ZMYM4: variants seen among roughly 807,000 people sequenced by gnomAD.
The protein encoded by ZMYM4 is zinc finger MYM-type containing 4.
In ZMYM4, 31 loss-of-function variants were observed where a neutral mutation model predicts 183.2. The ratio of observed to expected loss-of-function variants is 0.17; its 90% confidence interval spans 0.13 to 0.23. ZMYM4 has a LOEUF of 0.23. Ranked by LOEUF, ZMYM4 falls within the 10% of genes least tolerant of loss-of-function variation. The probability of loss-of-function intolerance (pLI) is 1.00; values close to 1 mark genes in which losing one functional copy is unlikely to be tolerated. For synonymous variants in ZMYM4, 592 were observed against 631.2 expected (o/e 0.94, Z 0.93); for missense variants, 1,273 against 1,840.3 (o/e 0.69, Z 5.64).
At chr1:35,342,498 G>A (rs983695262) in intron 2 of ZMYM4, among the ~76,000 whole-genome samples, 19 of 152,088 alleles carry the variant, frequency 1.2e-4, no homozygotes, top group African/African-American at 4.6e-4. Flanking sequence ...AGCGTTTTGT[G>A]GGGGATGGAA....
intron 2 of ZMYM4, 32 bp downstream of exon 2, chr1:35,325,437 C>T (rs766784965): frequency 1.9e-6 from 3 of 1,583,338 alleles, no homozygotes; most frequent in South Asian, 1.2e-5. Flanking sequence ...ACAATCATGT[C>T]TTTAGATAGA....
intron 9 of ZMYM4, among the ~76,000 whole-genome samples, chr1:35,382,590 C>G (rs1179450328): frequency 6.6e-6 from 1 of 151,544 alleles, no homozygotes; most frequent in Non-Finnish European, 1.5e-5. Flanking sequence ...TTACAGGCGC[C>G]CACCACCAGG....
intron 1 of ZMYM4, among the ~76,000 whole-genome samples, chr1:35,278,898 T>C (rs936374479): frequency 1.3e-5 from 2 of 152,134 alleles, no homozygotes; most frequent in African/African-American, 4.8e-5. Flanking sequence ...GCTTCCAAAA[T>C]ACAATGATGA....
intron 2 of ZMYM4, among the ~76,000 whole-genome samples, chr1:35,341,093 T>C (rs1643183980): frequency 6.6e-6 from 1 of 152,068 alleles, no homozygotes; most frequent in Non-Finnish European, 1.5e-5. Context: ...TTTATATTGA[T>C]GCCATATTGA....
intron 2 of ZMYM4, among the ~76,000 whole-genome samples, chr1:35,355,173 A>G (rs1643773012): frequency 1.4e-5 from 2 of 147,024 alleles, no homozygotes; most frequent in Non-Finnish European, 1.5e-5. Flanking sequence ...AGCTGGGACT[A>G]CAGGTGCCCG....
intron 1 of ZMYM4, among the ~76,000 whole-genome samples, chr1:35,309,820 C>G (rs931717174): frequency 6.6e-6 from 1 of 151,174 alleles, no homozygotes; most frequent in Non-Finnish European, 1.5e-5. Flanking sequence ...TTAGAATATT[C>G]TGATTTATTT....
At chr1:35,415,796 A>G (rs1277805060) in intron 28 of ZMYM4, 82 bp downstream of exon 28, 1 of 1,516,708 alleles carries the variant, frequency 6.6e-7, no homozygotes, top group East Asian at 2.3e-5. Flanking sequence ...AAAGGTAATT[A>G]TAAATGCTAG....
chr1:35,294,950 A>G (rs1202932280), intron 1 of ZMYM4, among the ~76,000 whole-genome samples: 1 of 152,224 alleles, frequency 6.6e-6, no homozygotes, highest in Non-Finnish European at 1.5e-5. Flanking sequence ...TTTAGATTCC[A>G]CTGTGCTTCA....
At chr1:35,338,199 G>A (rs1016912768) in intron 2 of ZMYM4, among the ~76,000 whole-genome samples, 2 of 152,164 alleles carry the variant, frequency 1.3e-5, no homozygotes, top group Non-Finnish European at 2.9e-5. Flanking sequence ...TATTTGAGGA[G>A]GTGATTGCTC....
intron 20 of ZMYM4, among the ~76,000 whole-genome samples, chr1:35,398,020 T>C (rs1644839608): frequency 6.6e-6 from 1 of 152,234 alleles, no homozygotes; most frequent in South Asian, 2.1e-4. Flanking sequence ...GGCATTGTGC[T>C]CAGTGCATTG....
In ZMYM4 at chr1:35,308,285, C is replaced by G. The variant is rs114492919; in HGVS notation, c.40-17075C>G. On this transcript the variant is annotated intron_variant, in intron 1 of 29. Coordinates refer to ENST00000314607, the MANE Select transcript of ZMYM4 (RefSeq NM_005095.3). The stretch of plus-strand genomic sequence containing the variant: ...GGGATTACAGGCATGAGCCACTGCA[C>G]CTGACCATAGTACTTAATTTTAAGG... 6.3e-3 allele frequency among the ~76,000 whole-genome samples: 954 copies of G among 152,336 alleles called. 10 individuals carry two copies. Among genetic ancestry groups the G allele is most frequent in the Non-Finnish European group, 0.01 (686 of 68,026 alleles).
chr1:35,399,250 A>T (rs376827720), intron 22 of ZMYM4, among the ~76,000 whole-genome samples: 1 of 151,964 alleles, frequency 6.6e-6, no homozygotes, highest in African/African-American at 2.4e-5. Context: ...TGTGGTTAAA[A>T]TTTTTTTTAA....
intron 11 of ZMYM4, among the ~76,000 whole-genome samples, chr1:35,386,543 C>T (rs1644582320): frequency 6.6e-6 from 1 of 152,140 alleles, no homozygotes; most frequent in Non-Finnish European, 1.5e-5. Context: ...CTGCCAGGCT[C>T]CTCCCCCAAC....
At chr1:35,398,695 C>T (rs1644850711) in intron 21 of ZMYM4, among the ~76,000 whole-genome samples, 169 bp from the exon 22 acceptor site, 1 of 152,098 alleles carries the variant, frequency 6.6e-6, no homozygotes, top group Admixed American at 6.5e-5. Flanking sequence ...AAATATGAAT[C>T]CAGTTCTTTG....
intron 3 of ZMYM4, 41 bp downstream of exon 3, chr1:35,359,487 A>G: frequency 6.7e-7 from 1 of 1,487,920 alleles, no homozygotes; most frequent in Non-Finnish European, 9.0e-7. Context: ...CACAATTAAA[A>G]ATTACCGATC....
chr1:35,291,659 CAG>C (rs1308458172), intron 1 of ZMYM4, among the ~76,000 whole-genome samples: 1 of 126,072 alleles, frequency 7.9e-6, no homozygotes, highest in Admixed American at 9.3e-5. Context: ...TTTTTTGAGA[CAG>C]AGTTTCACTC....
At chr1:35,296,160 T>C (rs1467547509) in intron 1 of ZMYM4, among the ~76,000 whole-genome samples, 3 of 152,180 alleles carry the variant, frequency 2.0e-5, no homozygotes, top group Non-Finnish European at 4.4e-5. Flanking sequence ...AAGATGAGTG[T>C]TCCCCTTACT....
chr1:35,325,431 T>C, intron 2 of ZMYM4, 26 bp downstream of exon 2: 2 of 1,595,166 alleles, frequency 1.3e-6, no homozygotes, highest in Non-Finnish European at 1.7e-6. Flanking sequence ...GAAAAAACAA[T>C]CATGTCTTTA....
intron 9 of ZMYM4, among the ~76,000 whole-genome samples, chr1:35,384,034 T>C (rs1016701766): frequency 6.6e-6 from 1 of 152,202 alleles, no homozygotes; most frequent in Admixed American, 6.5e-5. Context: ...TTCTTCCTTA[T>C]ATATAATTCA....
Sources: gnomAD v4.1 joint callset for allele counts (sites outside exome capture counted in the v4.1 genomes callset) on GRCh38, gnomAD v4.1.1 for gene constraint, MANE v1.5 for transcripts, NCBI Gene and HGNC (gene_info 2026-07-23, HGNC 2026-07-21) for gene names.